GRIK1: variants seen among roughly 807,000 people sequenced by gnomAD.
GRIK1 encodes glutamate receptor ionotropic, kainate 1.
A neutral mutation model predicts 105.7 loss-of-function variants in GRIK1; 69 were observed. The ratio of observed to expected loss-of-function variants is 0.65; its 90% CI spans 0.54 to 0.80. The LOEUF is 0.80. GRIK1 is among the 30% of genes least tolerant of loss of function. The probability of loss-of-function intolerance (pLI) is 0.00; values close to 1 mark genes in which losing one functional copy is unlikely to be tolerated. For synonymous variants in GRIK1, 438 were observed against 431.3 expected, an observed-to-expected ratio of 1.02 and a Z score of -0.19; for missense variants, 1,109 against 1,167.3, an observed-to-expected ratio of 0.95 and a Z score of 0.73.
Position 29,555,195 on chromosome 21 carries a change from C to T in GRIK1, c.2464G>A (p.Glu822Lys). The change falls in exon 16 of 18, where the codon GAA becomes AAA. Residue 822 changes from glutamate to lysine, a missense_variant. Glu to Lys is a moderately conservative substitution (Grantham distance 56, BLOSUM62 1). This residue lies in a region of GRIK1 where 18 missense variants were observed against 42.8 expected (regional missense o/e 0.42). Coordinates refer to ENST00000327783, the MANE Select transcript of GRIK1 (RefSeq NM_001330994.2). Reference protein sequence around the residue: ...KWWRGNGCPEEDNKEASALGV... With the variant: ...KWWRGNGCPEKDNKEASALGV... ...AGGGCACTGGCTTCTTTGTTGTCTTCCTCGGGGCAGCCATTCCCACGCCAC... is the reference window on the plus strand; with the variant it reads ...AGGGCACTGGCTTCTTTGTTGTCTTTCTCGGGGCAGCCATTCCCACGCCAC... The T allele has an allele frequency of 6.2e-7, 1 of 1,613,976 alleles. No individual in the cohort carries two copies. Among genetic ancestry groups the T allele is most frequent in the Non-Finnish European group, 8.5e-7 (1 of 1,179,912 alleles).
At chr21:29,751,373 GTCCTTAGCTTACC>G (rs1238308008) in intron 1 of GRIK1, among the ~76,000 whole-genome samples, 2 of 152,186 alleles carry the variant, frequency 1.3e-5, no homozygotes, top group African/African-American at 4.8e-5. Context: ...GCACATTTCT[GTCCTTAGCTTACC>G]TCCCTTTCAT....
intron 14 of GRIK1, among the ~76,000 whole-genome samples, chr21:29,570,442 C>T (rs2146210311): frequency 6.6e-6 from 1 of 151,090 alleles, no homozygotes; most frequent in Non-Finnish European, 1.5e-5. Context: ...GCGGAGGTCA[C>T]AGTGAGCCAA....
At chr21:29,589,648 G>T (rs1294596410) in intron 10 of GRIK1, among the ~76,000 whole-genome samples, 2 of 151,672 alleles carry the variant, frequency 1.3e-5, no homozygotes, top group Non-Finnish European at 2.9e-5. Context: ...GGATGGTCTC[G>T]ATCTCCTGAC....
rs148710631 is a variant in GRIK1, at chr21:29,666,546, T to C, written c.726+6437A>G. Among the ~76,000 whole-genome samples, 55 of 152,346 alleles carry C rather than the reference T, an allele frequency of 3.6e-4. No homozygotes were observed. The East Asian group carries it at 0.011, about 29-fold the overall frequency. ...TCTTTTTGCCTTAATCGGGCAGAGA[T>C]TTGGGTTTTTATTCTTGTTGTTGCT... On this transcript the variant is annotated intron_variant, in intron 4 of 17. Transcript: ENST00000327783.
intron 1 of GRIK1, among the ~76,000 whole-genome samples, chr21:29,711,566 T>G (rs2064050174): frequency 6.6e-6 from 1 of 152,012 alleles, no homozygotes; most frequent in African/African-American, 2.4e-5. Flanking sequence ...TAGCAGAAAA[T>G]AGTATCAATG....
intron 1 of GRIK1, among the ~76,000 whole-genome samples, chr21:29,898,664 A>G (rs1178974486): frequency 6.6e-6 from 1 of 152,226 alleles, no homozygotes; most frequent in Non-Finnish European, 1.5e-5. Flanking sequence ...TAACAAAAAG[A>G]CAATTAATAG....
chr21:29,585,217 T>TG (rs1366376887), intron 12 of GRIK1, among the ~76,000 whole-genome samples: 3 of 151,938 alleles, frequency 2.0e-5, no homozygotes, highest in Non-Finnish European at 4.4e-5. Flanking sequence ...ATGGTGGTAG[T>TG]GGGGGTACTG....
chr21:29,766,891 A>G (rs751023882), intron 1 of GRIK1, among the ~76,000 whole-genome samples: 22 of 152,168 alleles, frequency 1.4e-4, no homozygotes, highest in Admixed American at 6.5e-5. Context: ...GTCTCTCTTT[A>G]TGAAAGAAGC....
intron 1 of GRIK1, among the ~76,000 whole-genome samples, chr21:29,742,868 AGATG>A (rs1034162355): frequency 1.3e-5 from 2 of 152,252 alleles, no homozygotes; most frequent in Admixed American, 1.3e-4. Context: ...CATTGCTTTG[AGATG>A]GCACCTTAAT....
chr21:29,858,479 C>T (rs1029605210), intron 1 of GRIK1, among the ~76,000 whole-genome samples: 2 of 152,112 alleles, frequency 1.3e-5, no homozygotes, highest in Admixed American at 1.3e-4. Context: ...GAAGTGACTC[C>T]CCGGCGGCTG....
chr21:29,813,518 A>G (rs1286057585), intron 1 of GRIK1, among the ~76,000 whole-genome samples: 2 of 152,150 alleles, frequency 1.3e-5, no homozygotes, highest in South Asian at 2.1e-4. Context: ...GGTTTCACAC[A>G]CATTTTTTGT....
In GRIK1 at chr21:29,720,327, A is replaced by G. The variant is rs369058914; in HGVS notation, c.119-26264T>C. On this transcript the variant is annotated intron_variant, in intron 1 of 17. Coordinates refer to ENST00000327783, the MANE Select transcript of GRIK1 (RefSeq NM_001330994.2). ...CACATTTTCTTATTTACAAGTTAGT[A>G]CCAGATGTAGCCTATCAGCCTATCT... Among the ~76,000 whole-genome samples, 8 of 152,340 alleles carry G rather than the reference A, an allele frequency of 5.3e-5. No individual in the cohort carries two copies. In the East Asian group the frequency reaches 7.7e-4, roughly 15 times the overall value.
At chr21:29,853,302 C>G (rs2068364044) in intron 1 of GRIK1, among the ~76,000 whole-genome samples, 1 of 152,198 alleles carries the variant, frequency 6.6e-6, no homozygotes, top group African/African-American at 2.4e-5. Flanking sequence ...CATTTTGGTT[C>G]TGATTTTTTG....
chr21:29,694,056 A>G lies in GRIK1; in HGVS notation c.126T>C (p.Ile42=), dbSNP rs778836593. 1.2e-6 allele frequency: 2 copies of G among 1,611,522 alleles called. No homozygotes were observed. Among genetic ancestry groups the G allele is most frequent in the Non-Finnish European group, 1.7e-6 (2 of 1,177,842 alleles). ...CAGGCTCATTTTCCACTGTTTCAAA[A>G]ATCCCTCCTGCAGAAGCAAAAGAGA... ...TAPQVLRIGG[I]FETVENEPVN... is the part of the protein sequence containing the mutation. The change falls in exon 2 of 18, where the codon ATT becomes ATC. Residue 42 remains isoleucine (I), a synonymous_variant. Coordinates refer to ENST00000327783, the MANE Select transcript of GRIK1 (RefSeq NM_001330994.2).
At chr21:29,891,039 C>T (rs1236272690) in intron 1 of GRIK1, among the ~76,000 whole-genome samples, 1 of 152,116 alleles carries the variant, frequency 6.6e-6, no homozygotes, top group Admixed American at 6.5e-5. Flanking sequence ...GATATAACAT[C>T]TTTTTTTGAT....
intron 1 of GRIK1, among the ~76,000 whole-genome samples, chr21:29,697,930 CTT>C (rs2063738377): frequency 1.5e-5 from 2 of 136,152 alleles, no homozygotes; most frequent in East Asian, 2.2e-4. Context: ...CTCTCTCTCT[CTT>C]TCTTTCTTTC....
chr21:29,600,887 C>T (rs1286757975), intron 7 of GRIK1, among the ~76,000 whole-genome samples: 2 of 152,106 alleles, frequency 1.3e-5, no homozygotes, highest in African/African-American at 2.4e-5. Flanking sequence ...TTCACGGTCC[C>T]CAAGTAAATT....
intron 1 of GRIK1, among the ~76,000 whole-genome samples, chr21:29,854,807 T>A (rs2068415152): frequency 6.6e-6 from 1 of 152,102 alleles, no homozygotes; most frequent in South Asian, 2.1e-4. Context: ...TTTCTTTCAC[T>A]CTTCCTTGAT....
Position 29,561,766 on chromosome 21 carries a change from C to G in GRIK1, c.2214G>C (p.Glu738Asp), listed in dbSNP as rs575261988. 8.7e-6 allele frequency: 14 copies of G among 1,613,860 alleles called. 1 individual carries two copies. Among genetic ancestry groups the G allele is most frequent in the African/African-American group, 5.3e-5 (4 of 75,016 alleles). Reference protein sequence around the residue: ...QQTALVRNSDEGIQRVLTTDY... With the variant: ...QQTALVRNSDDGIQRVLTTDY... ...CTGTGGTGAGCACTCTCTGGATCCC[C>G]TCATCACTGTTTCTTACCAGGGCGG... Residue 738 changes from glutamate (E) to aspartate (D), a missense_variant, in exon 15 of 18, where the codon GAG becomes GAC. Glu to Asp is a conservative substitution (Grantham distance 45). Around this residue, in one of 5 missense-constraint regions of GRIK1, gnomAD observed 264 missense variants for 306.9 expected, o/e 0.86. Coordinates refer to ENST00000327783, the MANE Select transcript of GRIK1 (RefSeq NM_001330994.2).
Sources: gnomAD v4.1 joint callset for allele counts (sites outside exome capture counted in the v4.1 genomes callset) on GRCh38, gnomAD v4.1.1 for gene constraint, gnomAD v4.1.1 regional missense constraint, MANE v1.5 for transcripts, NCBI Gene and HGNC (gene_info 2026-07-23, HGNC 2026-07-21) for gene names.